The following HNRNPH1 variants were observed in gnomAD, a reference collection of about 807,000 sequenced individuals.
The protein encoded by HNRNPH1 is heterogeneous nuclear ribonucleoprotein H1.
In HNRNPH1, 4 loss-of-function variants were observed where a neutral mutation model predicts 58.6. The ratio of observed to expected loss-of-function variants is 0.07; its 90% CI spans 0.03 to 0.16. HNRNPH1 has a LOEUF of 0.16. Among genes scored for constraint, HNRNPH1 ranks in the 10% least tolerant of loss-of-function variants. The pLI, the probability that HNRNPH1 is intolerant of heterozygous loss-of-function variation, is 1.00. For missense variants in HNRNPH1, 271 were observed against 564.2 expected (o/e 0.48, Z 5.26); for synonymous variants, 192 against 189.2 (o/e 1.01, Z -0.12).
At chr5:179,629,367 A>C (rs1322160070), upstream of HNRNPH1, 1 of 151,186 alleles carries the variant, frequency 6.6e-6, no homozygotes, top group Non-Finnish European at 1.5e-5. Flanking sequence ...ATCTTGGCTC[A>C]CTGCAACCTC....
At chr5:179,618,870 T>C (rs1425239777) in intron 4 of HNRNPH1, 2 of 161,072 alleles carry the variant, frequency 1.2e-5, no homozygotes, top group Non-Finnish European at 2.7e-5. Flanking sequence ...ATGCAGAATA[T>C]TTATATACAG....
chr5:179,621,667 T>G, intron 1 of HNRNPH1: 1 of 479,960 alleles, frequency 2.1e-6, no homozygotes, highest in Non-Finnish European at 3.8e-6. Flanking sequence ...TACTCATGTC[T>G]ACATCACACA....
chr5:179,615,329 T>C (rs1004705317), intron 12 of HNRNPH1: 5 of 476,824 alleles, frequency 1.0e-5, no homozygotes, highest in Non-Finnish European at 1.9e-5. Context: ...GTCCCTCGAA[T>C]GGCATTTGAG....
intron 3 of HNRNPH1, 105 bp downstream of exon 4, chr5:179,620,787 T>C: frequency 1.1e-6 from 1 of 947,762 alleles, no homozygotes; most frequent in South Asian, 1.6e-5. Context: ...ATTGGCAATT[T>C]ACAACCTACT....
At chr5:179,623,869 G>C (rs1350491125) in exon 1 of HNRNPH1, 1 of 152,288 alleles carries the variant, frequency 6.6e-6, no homozygotes, top group Non-Finnish European at 1.5e-5. Context: ...AACCCGCCGG[G>C]CTTTTTGTTG....
At chr5:179,615,259 G>T (rs76105932) in intron 12 of HNRNPH1, 5 of 427,290 alleles carry the variant, frequency 1.2e-5, no homozygotes, top group East Asian at 1.1e-4. Context: ...AAATTACTTC[G>T]TATTTTTAAA....
intron 1 of HNRNPH1, chr5:179,621,668 A>ACATCAC: frequency 2.1e-6 from 1 of 474,586 alleles, no homozygotes. Context: ...ACTCATGTCT[A>ACATCAC]CATCACACAT....
intron 1 of HNRNPH1, chr5:179,621,631 A>G (rs1581709108): frequency 1.8e-6 from 1 of 541,970 alleles, no homozygotes; most frequent in East Asian, 3.1e-5. Flanking sequence ...GCAGTTTCAG[A>G]ATGAATTTAT....
intron 2 of HNRNPH1, among the ~76,000 whole-genome samples, chr5:179,632,980 C>G (rs1282233134): frequency 6.6e-6 from 1 of 150,968 alleles, no homozygotes; most frequent in African/African-American, 2.4e-5. Flanking sequence ...GCCTCATTCT[C>G]CCCACTAGCT....
At chr5:179,631,472 G>A (rs1205003469) in intron 2 of HNRNPH1, among the ~76,000 whole-genome samples, 3 of 152,046 alleles carry the variant, frequency 2.0e-5, no homozygotes, top group African/African-American at 7.2e-5. Flanking sequence ...CATGCTGGGC[G>A]CGGTGGCTCA....
rs1581655106 is a variant in HNRNPH1 at position 179,617,402 on chromosome 5, T to C, written c.1057+112A>G. Reference sequence around the variant, plus strand: ...TGCCCCCGCATCCCCCAAGAATTAATCTATTACTGGAGAGGAAACTTCTCA... The same window carrying C: ...TGCCCCCGCATCCCCCAAGAATTAACCTATTACTGGAGAGGAAACTTCTCA... On this transcript the variant is annotated intron_variant, in intron 8 of 12. Transcript: ENST00000356731. The C allele has an allele frequency of 9.6e-6, 12 of 1,245,312 alleles. No homozygotes were observed. In the East Asian group the frequency reaches 2.8e-4, roughly 29 times the overall value. 77.1% of individuals were successfully genotyped at this position (1,245,312 alleles called of 1,614,324 possible).
chr5:179,615,999 A>G (rs1769375164), intron 11 of HNRNPH1, 127 bp downstream of exon 12: 4 of 774,626 alleles, frequency 5.2e-6, no homozygotes, highest in Non-Finnish European at 8.9e-6. Flanking sequence ...GCATCTTCCC[A>G]ACTAAAGGCA....
chr5:179,616,725 G>A, intron 10 of HNRNPH1, 144 bp downstream of exon 11: 1 of 693,890 alleles, frequency 1.4e-6, no homozygotes, highest in South Asian at 2.0e-5. Context: ...ATTTAAGTAA[G>A]CCAGATACAA....
chr5:179,615,517 G>A (rs906677114), intron 12 of HNRNPH1, 29 bp downstream of exon 13: 2 of 1,209,558 alleles, frequency 1.7e-6, no homozygotes, highest in African/African-American at 1.5e-5. Flanking sequence ...TTGCTATTGG[G>A]AATTTATATT....
At chr5:179,632,692 C>G (rs1181235456) in intron 2 of HNRNPH1, among the ~76,000 whole-genome samples, 2 of 151,884 alleles carry the variant, frequency 1.3e-5, no homozygotes, top group African/African-American at 4.8e-5. Flanking sequence ...TTGAACTTTC[C>G]GGGTGCGAAC....
At chr5:179,632,945 G>A (rs1241684288) in intron 2 of HNRNPH1, among the ~76,000 whole-genome samples, 5 of 142,052 alleles carry the variant, frequency 3.5e-5, no homozygotes, top group African/African-American at 1.3e-4. Flanking sequence ...GCAACATCCA[G>A]CTCCTGTATT....
intron 3 of HNRNPH1, 121 bp downstream of exon 4, chr5:179,620,768 CATT>C (rs1771964631): frequency 3.9e-6 from 3 of 776,238 alleles, no homozygotes; most frequent in Non-Finnish European, 2.1e-6. Flanking sequence ...AGGAAGAAAA[CATT>C]AATTCATTGG....
chr5:179,614,863 A>C (rs1768733349), exon 13 of HNRNPH1: 2 of 1,541,590 alleles, frequency 1.3e-6, no homozygotes, highest in Middle Eastern at 1.7e-4. Context: ...TCCACCACTC[A>C]TACTGGACAT....
In HNRNPH1 at chr5:179,623,175, G is replaced by C. The variant is rs201372638; in HGVS notation, c.-42C>G. The C allele has an allele frequency of 7.1e-5, 103 of 1,455,870 alleles. No individual in the cohort carries two copies. Among genetic ancestry groups the C allele is most frequent in the Non-Finnish European group, 9.1e-5 (95 of 1,043,062 alleles). 90.2% of individuals were successfully genotyped at this position (1,455,870 alleles called of 1,614,324 possible). A position where few individuals can be genotyped will look rare whatever the true frequency, so the allele number is the denominator to read the frequency against. On this transcript the variant is annotated 5_prime_UTR_variant, in exon 1 of 13. Transcript: ENST00000356731. ...CGGCGTCGAAACAAACTGCAAAGCG[G>C]GGAGGACCAGAACTGAGAGCGCCAA...
Sources: gnomAD v4.1 joint callset for allele counts (sites outside exome capture counted in the v4.1 genomes callset) on GRCh38, gnomAD v4.1.1 for gene constraint, MANE v1.5 for transcripts, NCBI Gene and HGNC (gene_info 2026-07-23, HGNC 2026-07-21) for gene names.